Variants in CDH13 observed in about 807,000 individuals in gnomAD.
CDH13 encodes cadherin 13.
Under a neutral mutation model 63.8 loss-of-function variants are expected in CDH13, and 24 were observed. The observed-to-expected ratio is 0.38, with a 90% CI of 0.27 to 0.53. The LOEUF (loss-of-function observed/expected upper bound fraction) is 0.53, where lower values mean the gene tolerates loss of function less well. Ranked by LOEUF, CDH13 falls within the 20% of genes least tolerant of loss-of-function variation. CDH13 has a pLI of 0.85. For missense variants in CDH13, 1,049 were observed against 903.1 expected (o/e 1.16, Z -2.07); for synonymous variants, 503 against 355.3 (o/e 1.42, Z -4.67).
At chr16:83,717,570 A>C (rs1310105380) in intron 10 of CDH13, among the ~76,000 whole-genome samples, 1 of 152,238 alleles carries the variant, frequency 6.6e-6, no homozygotes, top group Non-Finnish European at 1.5e-5. Context: ...ACTATGAGCC[A>C]AGGGCTGACT....
intron 2 of CDH13, among the ~76,000 whole-genome samples, chr16:82,878,249 C>T (rs753915718): frequency 6.6e-6 from 1 of 151,884 alleles, no homozygotes; most frequent in Non-Finnish European, 1.5e-5. Flanking sequence ...TTATCTCTAC[C>T]CAAGGCTTAC....
intron 6 of CDH13, among the ~76,000 whole-genome samples, chr16:83,381,363 C>A (rs1326189181): frequency 6.6e-6 from 1 of 152,038 alleles, no homozygotes; most frequent in Non-Finnish European, 1.5e-5. Flanking sequence ...CTGGCTTCTC[C>A]TGCCTGTGCA....
intron 3 of CDH13, among the ~76,000 whole-genome samples, chr16:83,048,752 G>T (rs753962776): frequency 6.6e-6 from 1 of 151,580 alleles, no homozygotes; most frequent in African/African-American, 2.4e-5. Context: ...TCTTCATTTC[G>T]CATTTCCCCT....
intron 5 of CDH13, among the ~76,000 whole-genome samples, chr16:83,326,031 A>G (rs2090352274): frequency 6.6e-6 from 1 of 152,192 alleles, no homozygotes; most frequent in African/African-American, 2.4e-5. Flanking sequence ...GCAGGCAAGC[A>G]GATGATAGAA....
chr16:83,242,086 C>G (rs1179378020), intron 5 of CDH13, among the ~76,000 whole-genome samples: 1 of 152,198 alleles, frequency 6.6e-6, no homozygotes, highest in Non-Finnish European at 1.5e-5. Context: ...TTTGGGGCTG[C>G]TCATTTCCCA....
intron 3 of CDH13, among the ~76,000 whole-genome samples, chr16:83,082,966 C>A (rs922636964): frequency 7.4e-6 from 1 of 134,902 alleles, no homozygotes; most frequent in Admixed American, 8.0e-5. Context: ...TCTTCCCTTT[C>A]AAGAGACTTT....
chr16:82,920,435 G>T (rs911932033), intron 2 of CDH13, among the ~76,000 whole-genome samples: 1 of 152,198 alleles, frequency 6.6e-6, no homozygotes, highest in Non-Finnish European at 1.5e-5. Context: ...GCTCGTCCAT[G>T]AATCAGTGAT....
intron 3 of CDH13, among the ~76,000 whole-genome samples, chr16:83,121,918 G>T (rs2035595311): frequency 6.6e-6 from 1 of 151,350 alleles, no homozygotes; most frequent in Non-Finnish European, 1.5e-5. Flanking sequence ...AGCTTATCTT[G>T]TTTCCTGTTT....
At chr16:83,587,455 G>A (rs1334807585) in intron 7 of CDH13, among the ~76,000 whole-genome samples, 13 of 152,132 alleles carry the variant, frequency 8.5e-5, no homozygotes, top group Admixed American at 8.5e-4. Flanking sequence ...GTCAGTAATT[G>A]AATTTTCTGG....
chr16:83,189,402 G>A (rs1328063380), intron 4 of CDH13, among the ~76,000 whole-genome samples: 1 of 152,124 alleles, frequency 6.6e-6, no homozygotes, highest in East Asian at 1.9e-4. Context: ...CTCAACCTCT[G>A]GTTCTTTCTT....
At chr16:83,335,696 G>C (rs776505967) in intron 5 of CDH13, among the ~76,000 whole-genome samples, 1 of 152,128 alleles carries the variant, frequency 6.6e-6, no homozygotes, top group Admixed American at 6.5e-5. Flanking sequence ...TTATCTATAG[G>C]TTACAGAAAT....
At chr16:83,064,456 G>A (rs1296030745) in intron 3 of CDH13, among the ~76,000 whole-genome samples, 1 of 152,142 alleles carries the variant, frequency 6.6e-6, no homozygotes, top group African/African-American at 2.4e-5. Flanking sequence ...ATGTGAGCCA[G>A]AAATGTAAAT....
chr16:83,689,437 A>C, intron 10 of CDH13, among the ~76,000 whole-genome samples: 1 of 152,350 alleles, frequency 6.6e-6, no homozygotes, highest in East Asian at 1.9e-4. Flanking sequence ...TTTGTCTATC[A>C]ATCACTAACA....
intron 2 of CDH13, among the ~76,000 whole-genome samples, chr16:82,992,686 A>G (rs1911788542): frequency 6.6e-6 from 1 of 152,208 alleles, no homozygotes; most frequent in African/African-American, 2.4e-5. Context: ...ATACTACATG[A>G]CAAGAGGGTG....
At chr16:83,712,158 C>T (rs1050226094) in intron 10 of CDH13, among the ~76,000 whole-genome samples, 1 of 152,196 alleles carries the variant, frequency 6.6e-6, no homozygotes, top group Admixed American at 6.5e-5. Flanking sequence ...CTGTGAGGTG[C>T]TGGAGATTAG....
intron 1 of CDH13, among the ~76,000 whole-genome samples, chr16:82,710,574 T>TAA (rs1489151575): frequency 8.2e-5 from 10 of 122,036 alleles, no homozygotes; most frequent in East Asian, 2.3e-4. Flanking sequence ...TATATATATA[T>TAA]ATAAATATAT....
chr16:83,391,602 C>G (rs919819397), intron 6 of CDH13, among the ~76,000 whole-genome samples: 2 of 152,020 alleles, frequency 1.3e-5, no homozygotes, highest in Non-Finnish European at 2.9e-5. Context: ...TGCAAATACT[C>G]TGGCGCAACC....
chr16:83,397,485 A>C (rs1408795059), intron 6 of CDH13: 1 of 152,212 alleles, frequency 6.6e-6, no homozygotes, highest in Non-Finnish European at 1.5e-5. Flanking sequence ...CTTGATATGC[A>C]GACTAATCTG....
chr16:83,744,614 G>C (rs959157635), intron 10 of CDH13, among the ~76,000 whole-genome samples: 36 of 152,314 alleles, frequency 2.4e-4, no homozygotes, highest in Middle Eastern at 3.4e-3. Context: ...AGGGGACCGT[G>C]TGAGTCACAT....
Sources: gnomAD v4.1 joint callset for allele counts (sites outside exome capture counted in the v4.1 genomes callset) on GRCh38, gnomAD v4.1.1 for gene constraint, MANE v1.5 for transcripts, NCBI Gene and HGNC (gene_info 2026-07-23, HGNC 2026-07-21) for gene names.